The following PLCD4 variants were observed in gnomAD, a reference collection of about 807,000 sequenced individuals.
The protein encoded by PLCD4 is 1-phosphatidylinositol 4,5-bisphosphate phosphodiesterase delta-4.
In PLCD4, 63 loss-of-function variants were observed where a neutral mutation model predicts 90.2. The observed-to-expected ratio is 0.70, with a 90% CI of 0.57 to 0.86. The LOEUF is 0.86. Among genes scored for constraint, PLCD4 ranks in the 40% least tolerant of loss-of-function variants. The pLI is 0.00. For synonymous variants in PLCD4, 294 were observed against 356.5 expected (o/e 0.82, Z 1.97); for missense variants, 830 against 956.3 (o/e 0.87, Z 1.74).
intron 6 of PLCD4, among the ~76,000 whole-genome samples, chr2:218,623,568 G>A (rs1383034943): frequency 3.3e-5 from 5 of 152,160 alleles, no homozygotes; most frequent in African/African-American, 7.2e-5. Context: ...GAACTTTCAC[G>A]TTCCTCATTT....
intron 5 of PLCD4, 39 bp downstream of exon 5, chr2:218,621,638 C>A: frequency 6.2e-7 from 1 of 1,611,652 alleles, no homozygotes; most frequent in Non-Finnish European, 8.5e-7. Flanking sequence ...GCCAACCAGG[C>A]CACATTTTCA....
chr2:218,612,100 G>A (rs1357132667), intron 1 of PLCD4, among the ~76,000 whole-genome samples: 2 of 151,686 alleles, frequency 1.3e-5, no homozygotes, highest in African/African-American at 4.8e-5. Context: ...AGTAGAGACA[G>A]GGTTTCACCA....
intron 3 of PLCD4, among the ~76,000 whole-genome samples, chr2:218,616,919 T>G (rs1575016859): frequency 2.8e-4 from 7 of 25,156 alleles, no homozygotes; most frequent in East Asian, 1.3e-3. Flanking sequence ...TATATATATA[T>G]ATATATATAG....
At chr2:218,618,542 C>T (rs1374658640) in intron 3 of PLCD4, 37 bp from the exon 4 acceptor site, 1 of 1,576,340 alleles carries the variant, frequency 6.3e-7, no homozygotes, top group South Asian at 1.1e-5. Context: ...TGTTGGAATC[C>T]CTTCCTTAAT....
chr2:218,633,617 A>G lies in PLCD4; in HGVS notation c.1462A>G (p.Ile488Val). The change falls in exon 11 of 16, where the codon ATC becomes GTC. Residue 488 changes from isoleucine to valine, a missense_variant. Transcript: ENST00000450993. ...NKDKKKKSKP[I>V]LCPALSSLVI... ...CCACCTTCTCCAGAAATCCAAGCCC[A>G]TCTTGTGTCCAGCCCTCTCTTCCCT... is the stretch of plus-strand genomic sequence containing the variant. 1 of 1,613,574 alleles carries G rather than the reference A, an allele frequency of 6.2e-7. No individual in the cohort carries two copies. Among genetic ancestry groups the G allele is most frequent in the Non-Finnish European group, 8.5e-7 (1 of 1,179,544 alleles).
chr2:218,636,728 C>T lies in PLCD4; in HGVS notation c.*151C>T. On this transcript the variant is annotated 3_prime_UTR_variant, in exon 16 of 16. Coordinates refer to ENST00000450993, the MANE Select transcript of PLCD4 (RefSeq NM_032726.4). ...AAATTACCTCATTCTTCCTAACAAGCAATCTGGGACCTGATTTTCCACCTT... is the reference window on the plus strand; with the variant it reads ...AAATTACCTCATTCTTCCTAACAAGTAATCTGGGACCTGATTTTCCACCTT... 1.3e-6 allele frequency: 1 copy of T among 796,712 alleles called. No homozygotes were observed. The highest frequency in any genetic ancestry group is 2.0e-6 in the Non-Finnish European group (1 of 489,986). The allele number at this position is 796,712 out of a possible 1,614,324, so 49.4% of individuals were successfully genotyped here.
rs375412858 is a variant in PLCD4, at chr2:218,630,720, G to A, written c.1190G>A (p.Arg397His). 3.7e-5 allele frequency: 59 copies of A among 1,613,874 alleles called. No individual in the cohort carries two copies. The African/African-American group carries it at 4.8e-4, about 13-fold the overall frequency. ...CSWEQQQTMA[R>H]HLTEILGEQL... is the part of the protein sequence containing the mutation. Reference sequence around the variant, plus strand: ...TGGGAGCAGCAGCAGACCATGGCCCGTCATCTGACTGAGATCCTGGGGGAG... The same window carrying A: ...TGGGAGCAGCAGCAGACCATGGCCCATCATCTGACTGAGATCCTGGGGGAG... The change falls in exon 9 of 16, where the codon CGT becomes CAT. Residue 397 changes from arginine (R) to histidine (H), a missense_variant. Transcript: ENST00000450993.
chr2:218,615,286 CATAG>C (rs1021408299), intron 1 of PLCD4, among the ~76,000 whole-genome samples: 5 of 152,056 alleles, frequency 3.3e-5, no homozygotes, highest in African/African-American at 9.7e-5. Flanking sequence ...TATGTGGGAG[CATAG>C]ATAGAGAGGA....
chr2:218,627,986 C>T, intron 6 of PLCD4, 43 bp from the exon 7 acceptor site: 1 of 1,537,716 alleles, frequency 6.5e-7, no homozygotes, highest in Non-Finnish European at 8.9e-7. Context: ...GGGATGCTCC[C>T]ATTCAGAGCT....
At chr2:218,629,446 G>A in intron 7 of PLCD4, 73 bp from the exon 8 acceptor site, 1 of 1,547,500 alleles carries the variant, frequency 6.5e-7, no homozygotes, top group South Asian at 1.2e-5. Context: ...TCTCTCCAGA[G>A]TGGGGAGAGT....
chr2:218,625,131 AAGAAAG>A (rs1696058086), intron 6 of PLCD4, among the ~76,000 whole-genome samples: 1 of 146,992 alleles, frequency 6.8e-6, no homozygotes, highest in South Asian at 2.2e-4. Flanking sequence ...AAAAAAAAAA[AAGAAAG>A]AAAGAAAGAA....
At position 218,635,901 on chromosome 2, in the gene PLCD4, C is replaced by G; in HGVS notation, c.2002C>G (p.Arg668Gly). The G allele has an allele frequency of 6.2e-7, 1 of 1,613,960 alleles. No homozygotes were observed. The highest frequency in any genetic ancestry group is 8.5e-7 in the Non-Finnish European group (1 of 1,179,898). ...QIFGVRLDTA[R>G]QETNYVENNG... is the part of the protein sequence containing the mutation. The stretch of plus-strand genomic sequence containing the variant: ...CTTTGGCGTTCGTCTAGACACAGCA[C>G]GGCAGGAGACCAACTATGTGGAGAA... Residue 668 changes from arginine (R) to glycine (G), a missense_variant, in exon 14 of 16, where the codon CGG (arginine) becomes GGG (glycine). Physicochemically the swap from Arg to Gly is moderately radical, Grantham distance 125. Coordinates refer to ENST00000450993, the MANE Select transcript of PLCD4 (RefSeq NM_032726.4).
In PLCD4 at chr2:218,630,719, C is replaced by G. The variant is rs759790901; in HGVS notation, c.1189C>G (p.Arg397Gly). The G allele has an allele frequency of 1.2e-6, 2 of 1,613,994 alleles. No individual in the cohort carries two copies. Among genetic ancestry groups the G allele is most frequent in the South Asian group, 2.2e-5 (2 of 91,074 alleles). ...CSWEQQQTMARHLTEILGEQL... is the reference protein window; with the variant it reads ...CSWEQQQTMAGHLTEILGEQL... The stretch of plus-strand genomic sequence containing the variant: ...CTGGGAGCAGCAGCAGACCATGGCC[C>G]GTCATCTGACTGAGATCCTGGGGGA... The change falls in exon 9 of 16, where the codon CGT becomes GGT. Residue 397 changes from arginine (R) to glycine (G), a missense_variant. Physicochemically the swap from Arg to Gly is moderately radical, Grantham distance 125 (BLOSUM62 -2). Transcript: ENST00000450993.
Position 218,634,681 on chromosome 2 carries a change from G to C in PLCD4, c.1896+51G>C. On this transcript the variant is annotated intron_variant, in intron 13 of 15. Coordinates refer to ENST00000450993, the MANE Select transcript of PLCD4 (RefSeq NM_032726.4). This position sits in a 1 kb window ranked among gnomAD's most constrained non-coding sequence, Gnocchi z 4.0. ...AGAAACTGAGATAACTGGGATAGAA[G>C]TGAGGGAAGAGGTGGCTAGGCCTGA... 1 of 1,590,690 alleles carries C rather than the reference G, an allele frequency of 6.3e-7. No homozygotes were observed. Among genetic ancestry groups the C allele is most frequent in the South Asian group, 1.1e-5 (1 of 88,752 alleles).
At chr2:218,633,383 C>T in intron 10 of PLCD4, 1 of 706,820 alleles carries the variant, frequency 1.4e-6, no homozygotes. Flanking sequence ...TTCCCACCCC[C>T]AGGTTGTGAC....
At chr2:218,615,156 G>C (rs931281552) in intron 1 of PLCD4, among the ~76,000 whole-genome samples, 1 of 152,088 alleles carries the variant, frequency 6.6e-6, no homozygotes, top group East Asian at 1.9e-4. Context: ...TGAACTGGGA[G>C]TTGCAGTGAG....
At chr2:218,628,332 T>G (rs1056573924) in intron 7 of PLCD4, 102 bp downstream of exon 7, 55 of 1,208,160 alleles carry the variant, frequency 4.6e-5, no homozygotes, top group Non-Finnish European at 6.3e-5. Flanking sequence ...GTTGTGGGGG[T>G]TTAGGGGCTG....
chr2:218,633,832 A>T, intron 11 of PLCD4, 71 bp downstream of exon 11: 1 of 1,547,378 alleles, frequency 6.5e-7, no homozygotes. Context: ...ACTGGCAGGT[A>T]AGTCCCAAGA....
chr2:218,625,567 A>G (rs998198515), intron 6 of PLCD4, among the ~76,000 whole-genome samples: 1 of 152,232 alleles, frequency 6.6e-6, no homozygotes, highest in Non-Finnish European at 1.5e-5. Flanking sequence ...AAAATAATTG[A>G]TAAAATGAAA....
Sources: allele counts gnomAD v4.1 joint callset (sites outside exome capture counted in the v4.1 genomes callset), GRCh38; gene constraint gnomAD v4.1.1; non-coding constraint Gnocchi (gnomAD v3.1); transcripts MANE v1.5; gene names NCBI Gene and HGNC (gene_info 2026-07-23, HGNC 2026-07-21).